The following PCED1B variants were observed in gnomAD, a reference collection of about 807,000 sequenced individuals.
PCED1B encodes the protein PC-esterase domain-containing protein 1B.
For missense variants in PCED1B, 573 were observed against 573.9 expected, an observed-to-expected ratio of 1.00 and a Z score of 0.02; for synonymous variants, 251 against 246.1, an observed-to-expected ratio of 1.02 and a Z score of -0.19.
intron 2 of PCED1B, among the ~76,000 whole-genome samples, chr12:47,179,130 G>A (rs1392001663): frequency 6.6e-6 from 1 of 152,126 alleles, no homozygotes; most frequent in Non-Finnish European, 1.5e-5. Context: ...CTACTGTGAG[G>A]TTGCAACCAC....
chr12:47,113,195 T>C (rs997685473), intron 2 of PCED1B, among the ~76,000 whole-genome samples: 2 of 152,270 alleles, frequency 1.3e-5, no homozygotes, highest in South Asian at 2.1e-4. Context: ...GGATTTATAC[T>C]CAATTACATA....
intron 2 of PCED1B, among the ~76,000 whole-genome samples, chr12:47,153,114 C>G (rs907803892): frequency 2.0e-5 from 3 of 151,978 alleles, no homozygotes; most frequent in Non-Finnish European, 2.9e-5. Flanking sequence ...CTTTGGGAGG[C>G]TGAGGTGGGC....
intron 2 of PCED1B, among the ~76,000 whole-genome samples, chr12:47,107,929 AT>A (rs982922454): frequency 1.3e-5 from 2 of 152,228 alleles, no homozygotes; most frequent in African/African-American, 4.8e-5. Context: ...TAGGAGAGAC[AT>A]TTAAATTTTC....
At chr12:47,202,858 C>T (rs1338111882) in intron 2 of PCED1B, among the ~76,000 whole-genome samples, 2 of 151,912 alleles carry the variant, frequency 1.3e-5, no homozygotes, top group Admixed American at 6.6e-5. Context: ...TCCAGTTTGC[C>T]AGAATCCTCA....
chr12:47,179,411 C>T (rs1026730652), intron 2 of PCED1B, among the ~76,000 whole-genome samples: 3 of 152,192 alleles, frequency 2.0e-5, no homozygotes, highest in Non-Finnish European at 4.4e-5. Flanking sequence ...AATCATTCAT[C>T]CTCTCAGAGT....
chr12:47,183,215 G>A (rs890357179), intron 2 of PCED1B, among the ~76,000 whole-genome samples: 2 of 152,076 alleles, frequency 1.3e-5, no homozygotes, highest in Non-Finnish European at 2.9e-5. Context: ...AATTATAATA[G>A]GTAAACATTT....
intron 3 of PCED1B, among the ~76,000 whole-genome samples, chr12:47,217,452 G>GAA (rs1396749253): frequency 0.035 from 2,188 of 63,228 alleles, 90 homozygotes; most frequent in Middle Eastern, 0.082. Flanking sequence ...AAGAAAGAAA[G>GAA]AAAGAAAAAG....
At chr12:47,203,331 C>T (rs574589036) in intron 2 of PCED1B, among the ~76,000 whole-genome samples, 5 of 152,064 alleles carry the variant, frequency 3.3e-5, no homozygotes, top group South Asian at 2.1e-4. Context: ...TTTAGGGGTA[C>T]ATGTGCAGGT....
At chr12:47,112,234 C>A (rs1178181349) in intron 2 of PCED1B, among the ~76,000 whole-genome samples, 3 of 152,246 alleles carry the variant, frequency 2.0e-5, no homozygotes, top group African/African-American at 7.2e-5. Context: ...TTGATACACT[C>A]CCTATCTATT....
At chr12:47,193,576 T>C (rs1942512931) in intron 2 of PCED1B, among the ~76,000 whole-genome samples, 1 of 152,206 alleles carries the variant, frequency 6.6e-6, no homozygotes, top group African/African-American at 2.4e-5. Flanking sequence ...TATGGATGAC[T>C]TTTATAAACT....
chr12:47,091,339 A>G (rs1938256776), intron 1 of PCED1B, among the ~76,000 whole-genome samples: 1 of 152,036 alleles, frequency 6.6e-6, no homozygotes, highest in Non-Finnish European at 1.5e-5. Flanking sequence ...CATCTCTTTT[A>G]TGAGACTTTT....
intron 2 of PCED1B, among the ~76,000 whole-genome samples, chr12:47,134,567 T>C (rs566060353): frequency 2.8e-4 from 43 of 152,242 alleles, no homozygotes; most frequent in African/African-American, 9.1e-4. Flanking sequence ...TCAAAGAAAA[T>C]TGCTATTTAA....
chr12:47,132,947 T>C (rs11183754), intron 2 of PCED1B, among the ~76,000 whole-genome samples: 12,742 of 152,228 alleles, frequency 0.084, 858 homozygotes, highest in African/African-American at 0.19. Flanking sequence ...ATAATGGTGA[T>C]CTCATAACAC....
At chr12:47,170,420 G>A (rs569829322) in intron 2 of PCED1B, among the ~76,000 whole-genome samples, 72 of 152,282 alleles carry the variant, frequency 4.7e-4, no homozygotes, top group South Asian at 1.9e-3. Flanking sequence ...CCTCCCAGAC[G>A]GGGTGGCGGC....
At position 47,220,088 on chromosome 12, in the gene PCED1B, A is replaced by AAAGAAG. The variant is rs1555155818; in HGVS notation, c.-58+3413_-58+3418dup. Among the ~76,000 whole-genome samples, 133 of 133,140 alleles carry AAAGAAG rather than the reference A, an allele frequency of 1.0e-3. 2 individuals carry two copies. The highest frequency in any genetic ancestry group is 2.4e-3 in the African/African-American group (77 of 32,324). The allele number at this position is 133,140 out of a possible 152,430, so 87.3% of individuals were successfully genotyped here. On this transcript the variant is annotated intron_variant, in intron 3 of 3. Coordinates refer to ENST00000546455, the MANE Select transcript of PCED1B (RefSeq NM_138371.3). ...TGCCTCAAAAAAAAAAAAAAAAAAA[A>AAAGAAG]AAGAAGAAGAAGAAGAAGATACATT... is the stretch of plus-strand genomic sequence containing the variant.
chr12:47,098,418 A>G (rs1247675359), intron 1 of PCED1B, among the ~76,000 whole-genome samples: 1 of 152,246 alleles, frequency 6.6e-6, no homozygotes, highest in Non-Finnish European at 1.5e-5. Flanking sequence ...AGGAAATCAG[A>G]CATGCTTTTA....
intron 2 of PCED1B, among the ~76,000 whole-genome samples, chr12:47,142,333 CT>C (rs1940626897): frequency 1.3e-5 from 2 of 152,128 alleles, no homozygotes; most frequent in Admixed American, 1.3e-4. Flanking sequence ...AGGTCTTTAC[CT>C]GCTGAAATCA....
At chr12:47,181,159 AT>A (rs1942083067) in intron 2 of PCED1B, among the ~76,000 whole-genome samples, 1 of 151,602 alleles carries the variant, frequency 6.6e-6, no homozygotes, top group South Asian at 2.1e-4. Context: ...CATTATTTGT[AT>A]TTTTTGTAGA....
intron 2 of PCED1B, among the ~76,000 whole-genome samples, chr12:47,211,389 C>T (rs568430472): frequency 2.6e-5 from 4 of 152,112 alleles, no homozygotes; most frequent in Admixed American, 6.5e-5. Context: ...CGGTGACTCA[C>T]GCCTGTAATC....
Sources: gnomAD v4.1 joint callset for allele counts (sites outside exome capture counted in the v4.1 genomes callset) on GRCh38, gnomAD v4.1.1 for gene constraint, MANE v1.5 for transcripts, NCBI Gene and HGNC (gene_info 2026-07-23, HGNC 2026-07-21) for gene names.